Variants in PCDHA7 observed in about 807,000 individuals in gnomAD.
PCDHA7 encodes the protein protocadherin alpha 7, also known as protocadherin alpha-7.
In PCDHA7, 37 loss-of-function variants were observed where a neutral mutation model predicts 57.2. The ratio of observed to expected loss-of-function variants is 0.65; its 90% confidence interval spans 0.50 to 0.85. The LOEUF is 0.85. Among genes scored for constraint, PCDHA7 ranks in the 40% least tolerant of loss-of-function variants. The pLI is 0.00. For synonymous variants in PCDHA7, 553 were observed against 558.8 expected (o/e 0.99, Z 0.15); for missense variants, 1,188 against 1,241.8 (o/e 0.96, Z 0.65).
At chr5:140,842,526 A>G (rs2150338157) in intron 1 of PCDHA7, 11 of 1,613,304 alleles carry the variant, frequency 6.8e-6, no homozygotes, top group African/African-American at 1.3e-5. Flanking sequence ...TCCACCTTCA[A>G]GAATTACTAC....
At chr5:140,967,589 T>C (rs782348275) in intron 1 of PCDHA7, 20 of 1,613,912 alleles carry the variant, frequency 1.2e-5, no homozygotes, top group African/African-American at 1.2e-4. Context: ...CCCAGGCACA[T>C]TGGTGGTGAA....
chr5:140,926,976 GGA>G (rs1184794302), intron 1 of PCDHA7: 3 of 1,610,286 alleles, frequency 1.9e-6, no homozygotes, highest in Non-Finnish European at 2.5e-6. Context: ...CAGTGCCGGA[GGA>G]GACGGAGCGG....
At chr5:140,871,564 C>T (rs782409405) in intron 1 of PCDHA7, 16 of 1,482,712 alleles carry the variant, frequency 1.1e-5, no homozygotes, top group East Asian at 2.5e-5. Flanking sequence ...TTTTTTTTCA[C>T]GGATTTTTTA....
intron 1 of PCDHA7, chr5:140,881,269 G>T (rs1016077757): frequency 3.1e-6 from 2 of 648,656 alleles, no homozygotes; most frequent in Non-Finnish European, 1.9e-6. Context: ...CAGTGATGAT[G>T]AAGTAAGATG....
At chr5:140,996,802 T>C (rs1554255415) in intron 3 of PCDHA7, among the ~76,000 whole-genome samples, 1 of 152,218 alleles carries the variant, frequency 6.6e-6, no homozygotes, top group Non-Finnish European at 1.5e-5. Flanking sequence ...CATCCAATCA[T>C]GCTTTCCAAA....
At chr5:140,962,084 A>G (rs541325949) in intron 1 of PCDHA7, among the ~76,000 whole-genome samples, 1 of 152,028 alleles carries the variant, frequency 6.6e-6, no homozygotes, top group African/African-American at 2.4e-5. Flanking sequence ...ACGGGGTTTC[A>G]CCATGTTAGC....
intron 1 of PCDHA7, among the ~76,000 whole-genome samples, chr5:140,878,776 T>C (rs1437840291): frequency 2.0e-5 from 3 of 152,226 alleles, no homozygotes; most frequent in Non-Finnish European, 4.4e-5. Flanking sequence ...TGGAATATAG[T>C]ATATGTTCAA....
intron 1 of PCDHA7, chr5:140,928,133 T>C (rs1208134482): frequency 1.2e-6 from 2 of 1,614,090 alleles, no homozygotes; most frequent in Non-Finnish European, 1.7e-6. Context: ...TACCAAGTCC[T>C]GATCACGGCC....
At chr5:140,851,288 A>C in intron 1 of PCDHA7, 1 of 1,036,248 alleles carries the variant, frequency 9.7e-7, no homozygotes, top group Non-Finnish European at 1.2e-6. Context: ...TAAGAAACCC[A>C]AGCAAAAATA....
chr5:140,982,288 T>G, intron 2 of PCDHA7, 187 bp from the exon 3 acceptor site: 1 of 1,088,080 alleles, frequency 9.2e-7, no homozygotes, highest in Admixed American at 2.9e-5. Context: ...AGGCAATAAG[T>G]AAGTCAGCAA....
In PCDHA7 at chr5:140,836,416, C is replaced by T. The variant is rs2150260250; in HGVS notation, c.2033C>T (p.Ala678Val). Reference sequence around the variant, plus strand: ...GTGGAAAGCGGCCAGGCACCAAAGGCGTCGTCGCGGGCATCGTTGGGCATT... The same window carrying T: ...GTGGAAAGCGGCCAGGCACCAAAGGTGTCGTCGCGGGCATCGTTGGGCATT... ...SLVESGQAPK[A>V]SSRASLGIAG... Residue 678 changes from alanine (A) to valine (V), a missense_variant, in exon 1 of 4, where the codon GCG becomes GTG. Around this residue, in one of 3 missense-constraint regions of PCDHA7, gnomAD observed 892 missense variants for 788.5 expected, o/e 1.13. Coordinates refer to ENST00000525929, the MANE Select transcript of PCDHA7 (RefSeq NM_018910.3). 3.8e-5 allele frequency: 62 copies of T among 1,613,794 alleles called. No individual in the cohort carries two copies. The highest frequency in any genetic ancestry group is 5.0e-5 in the Non-Finnish European group (59 of 1,179,856).
intron 1 of PCDHA7, chr5:140,869,313 A>T: frequency 6.2e-7 from 1 of 1,613,736 alleles, no homozygotes. Context: ...CGTCCAAAAC[A>T]CATGGGGACC....
At chr5:140,855,899 C>A in intron 1 of PCDHA7, 1 of 1,074,020 alleles carries the variant, frequency 9.3e-7, no homozygotes, top group Non-Finnish European at 1.3e-6. Flanking sequence ...AAGGCATCAG[C>A]CAGTTTCTCA....
At chr5:140,943,234 G>A (rs1161111493) in intron 1 of PCDHA7, among the ~76,000 whole-genome samples, 3 of 145,508 alleles carry the variant, frequency 2.1e-5, no homozygotes, top group Non-Finnish European at 4.5e-5. Context: ...CTCCAGCCTG[G>A]GTCACAGAGT....
intron 1 of PCDHA7, chr5:140,883,145 T>C (rs2059462627): frequency 6.2e-7 from 1 of 1,613,988 alleles, no homozygotes; most frequent in Admixed American, 1.7e-5. Context: ...GGTATATGCA[T>C]TTACCATAAA....
intron 1 of PCDHA7, among the ~76,000 whole-genome samples, chr5:140,952,008 G>A (rs1427518321): frequency 6.6e-6 from 1 of 152,132 alleles, no homozygotes; most frequent in Non-Finnish European, 1.5e-5. Context: ...AAGAATTATA[G>A]GCCCCATGCA....
intron 1 of PCDHA7, among the ~76,000 whole-genome samples, chr5:140,894,318 T>C (rs1403062288): frequency 1.3e-5 from 2 of 152,086 alleles, no homozygotes; most frequent in Non-Finnish European, 2.9e-5. Context: ...TCTTAAATTA[T>C]AGATTTTAGT....
At chr5:140,881,729 A>G (rs2058810929) in intron 1 of PCDHA7, among the ~76,000 whole-genome samples, 1 of 152,206 alleles carries the variant, frequency 6.6e-6, no homozygotes. Flanking sequence ...CTTGAAAAAT[A>G]TTACAGGAAG....
At chr5:140,868,909 T>C (rs2050732260) in intron 1 of PCDHA7, 3 of 886,670 alleles carry the variant, frequency 3.4e-6, no homozygotes, top group Non-Finnish European at 5.0e-6. Context: ...CGCTCTTTAC[T>C]TGGTGGAAAG....
Sources: gnomAD v4.1 joint callset for allele counts (sites outside exome capture counted in the v4.1 genomes callset) on GRCh38, gnomAD v4.1.1 for gene constraint, gnomAD v4.1.1 regional missense constraint, MANE v1.5 for transcripts, NCBI Gene and HGNC (gene_info 2026-07-23, HGNC 2026-07-21) for gene names.